The following MED22 variants were observed in gnomAD, a reference collection of about 807,000 sequenced individuals.
MED22 encodes the protein mediator complex subunit 22.
Under a neutral mutation model 22.7 loss-of-function variants are expected in MED22, and 22 were observed. The observed-to-expected ratio is 0.97, with a 90% confidence interval of 0.69 to 1.38. The LOEUF is 1.38. MED22 is among the 40% of genes most tolerant of loss of function. MED22 has a pLI of 0.00. For synonymous variants in MED22, 134 were observed against 119.4 expected, an observed-to-expected ratio of 1.12 and a Z score of -0.80; for missense variants, 247 against 263.0, an observed-to-expected ratio of 0.94 and a Z score of 0.42.
chr9:133,339,650 A>T lies in MED22; in HGVS notation c.*1855T>A. The T allele has an allele frequency of 2.7e-6, 1 of 370,726 alleles. No individual in the cohort carries two copies. The highest frequency in any genetic ancestry group is 2.7e-5 in the South Asian group (1 of 36,944). 23.0% of individuals were successfully genotyped at this position (370,726 alleles called of 1,614,324 possible). On this transcript the variant is annotated 3_prime_UTR_variant, in exon 5 of 5. Transcript: ENST00000343730. ...TGCTCAGAGAGGCAAACTGACAAGT[A>T]CTTCCATGAGTTCCACTGCCCTCAA...
chr9:133,344,295 G>T lies in MED22; in HGVS notation c.243C>A (p.Asp81Glu). 5 of 1,614,180 alleles carry T rather than the reference G, an allele frequency of 3.1e-6. No individual in the cohort carries two copies. The highest frequency in any genetic ancestry group is 2.2e-5 in the South Asian group (2 of 91,086). Residue 81 changes from aspartate (D) to glutamate (E), a missense_variant, in exon 4 of 5, where the codon GAC becomes GAA. By Grantham distance (45) the Asp-to-Glu change is conservative. Transcript: ENST00000343730. ...AGESLMKLVS[D>E]LKQFLILNDF... Reference sequence around the variant, plus strand: ...CATTGAGGATCAGGAACTGCTTGAGGTCGGACACCAGCTTCATCAGGGACT... The same window carrying T: ...CATTGAGGATCAGGAACTGCTTGAGTTCGGACACCAGCTTCATCAGGGACT...
chr9:133,342,166 G>A, intron 4 of MED22: 1 of 992,844 alleles, frequency 1.0e-6, no homozygotes, highest in Non-Finnish European at 1.2e-6. Flanking sequence ...TAGCCTGAAG[G>A]GGGCGACAGT....
In MED22 at chr9:133,344,116, T is replaced by C. The variant is rs1166426379; in HGVS notation, c.413+9A>G. 3.7e-6 allele frequency: 6 copies of C among 1,613,956 alleles called. No individual in the cohort carries two copies. Among genetic ancestry groups the C allele is most frequent in the African/African-American group, 1.3e-5 (1 of 74,930 alleles). On this transcript the variant is annotated intron_variant, in intron 4 of 4. Transcript: ENST00000343730. ...CCGCTCTGCATGGGGAGTCCAGCGCTATTTATACCTGGACGAGTAATACTC... is the reference window on the plus strand; with the variant it reads ...CCGCTCTGCATGGGGAGTCCAGCGCCATTTATACCTGGACGAGTAATACTC...
intron 1 of MED22, among the ~76,000 whole-genome samples, chr9:133,346,972 A>G (rs2129970574): frequency 1.4e-4 from 21 of 152,170 alleles, no homozygotes; most frequent in African/African-American, 4.8e-4. Context: ...GTCCAGGCCC[A>G]CAGCGTGTCC....
rs1038115132 is a variant in MED22 at position 133,338,945 on chromosome 9, A to G, written c.*2560T>C. On this transcript the variant is annotated 3_prime_UTR_variant, in exon 5 of 5. Transcript: ENST00000343730. ...TGCAACACACAATAAAAACAGGCAT[A>G]AAAGCCTTTCAGCTGGAACCGCCAC... is the stretch of plus-strand genomic sequence containing the variant. 1 of 629,776 alleles carries G rather than the reference A, an allele frequency of 1.6e-6. No homozygotes were observed. The highest frequency in any genetic ancestry group is 3.0e-6 in the Non-Finnish European group (1 of 333,272). 39.0% of individuals were successfully genotyped at this position (629,776 alleles called of 1,614,324 possible).
intron 4 of MED22, chr9:133,342,096 C>G: frequency 1.9e-6 from 2 of 1,056,246 alleles, no homozygotes; most frequent in Non-Finnish European, 2.3e-6. Flanking sequence ...TGTCACTACA[C>G]TGCAAAGAGC....
chr9:133,343,629 T>G, intron 4 of MED22: 1 of 1,247,002 alleles, frequency 8.0e-7, no homozygotes, highest in Non-Finnish European at 1.0e-6. Context: ...CACATTCCCA[T>G]GACTGTCCCT....
chr9:133,348,089 C>A lies in MED22; in HGVS notation c.-206G>T, dbSNP rs1446614313. On this transcript the variant is annotated 5_prime_UTR_variant, in exon 1 of 5. Transcript: ENST00000343730. ...GCGGTCCGAAAACCTAGTCAGCCGCCGCAGCCTCTCGGCCCCGCCTCGATT... is the reference window on the plus strand; with the variant it reads ...GCGGTCCGAAAACCTAGTCAGCCGCAGCAGCCTCTCGGCCCCGCCTCGATT... 3.6e-6 allele frequency: 4 copies of A among 1,100,926 alleles called. No individual in the cohort carries two copies. In the East Asian group the frequency reaches 7.2e-5, roughly 20 times the overall value. The allele number at this position is 1,100,926 out of a possible 1,614,324, so 68.2% of individuals were successfully genotyped here.
chr9:133,341,279 A>AT lies in MED22; in HGVS notation c.*225dup. 2.2e-6 allele frequency: 1 copy of AT among 445,726 alleles called. No individual in the cohort carries two copies. The allele number at this position is 445,726 out of a possible 1,614,324, so 27.6% of individuals were successfully genotyped here. ...GCCAGGAAGGCAGCAAACAGAGATG[A>AT]TGACTCGGAATGATGGGCTATTCGG... On this transcript the variant is annotated 3_prime_UTR_variant, in exon 5 of 5. Transcript: ENST00000343730.
At position 133,341,052 on chromosome 9, in the gene MED22, G is replaced by C. The variant is rs1013034755; in HGVS notation, c.*453C>G. 1.3e-5 allele frequency: 2 copies of C among 156,482 alleles called. No individual in the cohort carries two copies. The highest frequency in any genetic ancestry group is 3.8e-4 in the South Asian group (2 of 5,314). 9.7% of individuals were successfully genotyped at this position (156,482 alleles called of 1,614,324 possible). ...CATGGCACAGACATATGTGGCTCAG[G>C]GCAAGAACCAGTGGATGGGGCTCTG... On this transcript the variant is annotated 3_prime_UTR_variant, in exon 5 of 5. Transcript: ENST00000343730.
intron 4 of MED22, chr9:133,342,813 C>T (rs1836050986): frequency 1.0e-6 from 1 of 985,468 alleles, no homozygotes; most frequent in Admixed American, 6.1e-5. Context: ...GCACAGATGT[C>T]CTGGGTTTGC....
chr9:133,339,416 G>C lies in MED22; in HGVS notation c.*2089C>G, dbSNP rs2129942796. 1.1e-5 allele frequency: 9 copies of C among 787,676 alleles called. No individual in the cohort carries two copies. In the South Asian group the frequency reaches 1.2e-4, roughly 11 times the overall value. The allele number at this position is 787,676 out of a possible 1,614,324, so 48.8% of individuals were successfully genotyped here. ...GAGCAGCACACTGTGAGAACCAATG[G>C]GAAGGAGCCTGAGCTGCTGGAACCT... On this transcript the variant is annotated 3_prime_UTR_variant, in exon 5 of 5. Transcript: ENST00000343730.
intron 2 of MED22, among the ~76,000 whole-genome samples, chr9:133,345,482 G>A (rs1038866994): frequency 6.6e-6 from 1 of 152,184 alleles, no homozygotes; most frequent in Non-Finnish European, 1.5e-5. Flanking sequence ...CTTTGCTCAA[G>A]ACAAATAGAG....
chr9:133,343,038 G>A (rs1288067852), intron 4 of MED22: 4 of 987,754 alleles, frequency 4.0e-6, no homozygotes, highest in Non-Finnish European at 4.8e-6. Context: ...CTAGTGTGGA[G>A]GAAATGCTGC....
In MED22 at chr9:133,343,505, C is replaced by G. The variant is rs2129956922; in HGVS notation, c.413+620G>C. Reference sequence around the variant, plus strand: ...TTTGACCCTTCTGCATCCCTGGGACCCAGCACGGGGCCTGGCACGTAGGTT... The same window carrying G: ...TTTGACCCTTCTGCATCCCTGGGACGCAGCACGGGGCCTGGCACGTAGGTT... On this transcript the variant is annotated intron_variant, in intron 4 of 4. Transcript: ENST00000343730. The G allele has an allele frequency of 1.9e-5, 23 of 1,236,054 alleles. No homozygotes were observed. In the African/African-American group the frequency reaches 2.5e-4, roughly 13 times the overall value. The allele number at this position is 1,236,054 out of a possible 1,614,324, so 76.6% of individuals were successfully genotyped here. A position where few individuals can be genotyped will look rare whatever the true frequency, so the allele number is the denominator to read the frequency against.
Position 133,348,124 on chromosome 9 carries a change from A to G in MED22, c.-241T>C, listed in dbSNP as rs1836256697. 2.1e-6 allele frequency: 3 copies of G among 1,415,356 alleles called. No homozygotes were observed. In the Admixed American group the frequency reaches 5.1e-5, roughly 24 times the overall value. The allele number at this position is 1,415,356 out of a possible 1,614,324, so 87.7% of individuals were successfully genotyped here. On this transcript the variant is annotated 5_prime_UTR_variant, in exon 1 of 5. Transcript: ENST00000343730. Reference sequence around the variant, plus strand: ...CGGCCCCGCCTCGATTTTTAGCTTTATAGGAATGCTGTTGCTTTAAATCCG... The same window carrying G: ...CGGCCCCGCCTCGATTTTTAGCTTTGTAGGAATGCTGTTGCTTTAAATCCG...
intron 4 of MED22, chr9:133,343,142 T>C (rs952977927): frequency 2.9e-6 from 3 of 1,038,870 alleles, no homozygotes; most frequent in Non-Finnish European, 3.5e-6. Flanking sequence ...GCAGTGCCAC[T>C]GAGCCCAGGG....
chr9:133,343,834 T>C (rs1836087803), intron 4 of MED22: 3 of 1,410,802 alleles, frequency 2.1e-6, no homozygotes, highest in African/African-American at 1.4e-5. Flanking sequence ...GAAGAGGGCC[T>C]GCGGGGGATA....
In MED22 at chr9:133,347,987, G is replaced by A; in HGVS notation, c.-104C>T. ...TCGGCCTAGGGCGGGGTGGTCAAGT[G>A]CCTCTGCGACCCGCACTTTCCCGCG... On this transcript the variant is annotated 5_prime_UTR_variant, in exon 1 of 5. Transcript: ENST00000343730. 1.8e-6 allele frequency: 1 copy of A among 544,812 alleles called. No individual in the cohort carries two copies. Among genetic ancestry groups the A allele is most frequent in the Non-Finnish European group, 3.3e-6 (1 of 302,554 alleles). 33.7% of individuals were successfully genotyped at this position (544,812 alleles called of 1,614,324 possible).
Sources: allele counts gnomAD v4.1 joint callset (sites outside exome capture counted in the v4.1 genomes callset), GRCh38; gene constraint gnomAD v4.1.1; transcripts MANE v1.5; gene names NCBI Gene and HGNC (gene_info 2026-07-23, HGNC 2026-07-21).